Variants in HSPA9 observed in about 807,000 individuals in gnomAD.
The protein encoded by HSPA9 is heat shock protein family A (Hsp70) member 9.
Under a neutral mutation model 81.5 loss-of-function variants are expected in HSPA9, and 28 were observed. The ratio of observed to expected loss-of-function variants is 0.34; its 90% CI spans 0.25 to 0.47. The LOEUF (loss-of-function observed/expected upper bound fraction) is 0.47. HSPA9 is among the 20% of genes least tolerant of loss of function. HSPA9 has a pLI of 1.00. For synonymous variants in HSPA9, 293 were observed against 290.4 expected, an observed-to-expected ratio of 1.01 and a Z score of -0.09; for missense variants, 678 against 838.0, an observed-to-expected ratio of 0.81 and a Z score of 2.36.
rs1351540293 is a variant in HSPA9 at position 138,559,952 on chromosome 5, G to C, written c.1322C>G (p.Thr441Ser). 3 of 1,614,114 alleles carry C rather than the reference G, an allele frequency of 1.9e-6. No homozygotes were observed. The highest frequency in any genetic ancestry group is 2.5e-6 in the Non-Finnish European group (3 of 1,179,992). The change falls in exon 11 of 17, where the codon ACT (threonine) becomes AGT (serine). Residue 441 changes from threonine (T) to serine (S), a missense_variant. Physicochemically the swap from Thr to Ser is moderately conservative, Grantham distance 58. Around this residue, in one of 4 missense-constraint regions of HSPA9, gnomAD observed 484 missense variants for 647.5 expected, o/e 0.75. Transcript: ENST00000297185. ...DVTDVLLLDV[T>S]PLSLGIETLG... ...AGTTTCAATACCCAGAGACAGGGGA[G>C]TGACATCAAGGAGCAGCACATCCGT...
At chr5:138,567,216 T>TATC in intron 7 of HSPA9, 53 bp from the exon 8 acceptor site, 1 of 1,440,234 alleles carries the variant, frequency 6.9e-7, no homozygotes, top group Non-Finnish European at 9.6e-7. Flanking sequence ...GAACAAAACC[T>TATC]ATCACCAGGA....
intron 4 of HSPA9, 68 bp downstream of exon 4, chr5:138,570,892 T>C (rs1481851010): frequency 7.4e-7 from 1 of 1,345,672 alleles, no homozygotes; most frequent in African/African-American, 1.4e-5. Context: ...CTCATCAACA[T>C]GCTGAGGCTC....
intron 13 of HSPA9, 34 bp downstream of exon 13, chr5:138,557,835 T>C (rs777400747): frequency 7.6e-7 from 1 of 1,323,402 alleles, no homozygotes; most frequent in Non-Finnish European, 1.1e-6. Flanking sequence ...CTCCCTCACC[T>C]CACTCTTAGG....
chr5:138,555,724 C>T lies in HSPA9; in HGVS notation c.*313G>A. ...TTGCTGTGTGCGAGATGGTTTCACC[C>T]CTTGAAAATATGGTCACTTCAGCAT... On this transcript the variant is annotated 3_prime_UTR_variant, in exon 17 of 17. Transcript: ENST00000297185. The T allele has an allele frequency of 2.6e-6, 1 of 390,994 alleles. No homozygotes were observed. Among genetic ancestry groups the T allele is most frequent in the Non-Finnish European group, 4.8e-6 (1 of 208,342 alleles). 24.2% of individuals were successfully genotyped at this position (390,994 alleles called of 1,614,324 possible).
At chr5:138,557,628 A>G (rs921738447) in intron 13 of HSPA9, 132 bp from the exon 14 acceptor site, 15 of 754,592 alleles carry the variant, frequency 2.0e-5, no homozygotes, top group Non-Finnish European at 3.5e-5. Flanking sequence ...GAAATACCCT[A>G]TAGTCCTATA....
Position 138,573,641 on chromosome 5 carries a change from CAAAAAAAAAAAAAAAA to C in HSPA9, c.228+106_228+121del, listed in dbSNP as rs57776368. 5.0e-3 allele frequency: 1,531 copies of C among 304,430 alleles called. 17 individuals carry two copies. The highest frequency in any genetic ancestry group is 7.1e-3 in the Non-Finnish European group (1,197 of 168,626). 18.9% of individuals were successfully genotyped at this position (304,430 alleles called of 1,614,324 possible). On this transcript the variant is annotated intron_variant, in intron 3 of 16. Transcript: ENST00000297185. ...CACCATGGGCTATAGAGACTGTCTCCAAAAAAAAAAAAAAAAAAAAAAAAAAAGCGCAAATCAGGTT... is the reference window on the plus strand; with the variant it reads ...CACCATGGGCTATAGAGACTGTCTCCAAAAAAAAAAAGCGCAAATCAGGTT...
At chr5:138,557,624 C>A in intron 13 of HSPA9, 128 bp from the exon 14 acceptor site, 2 of 756,588 alleles carry the variant, frequency 2.6e-6, no homozygotes, top group Admixed American at 2.0e-5. Flanking sequence ...AGGAGAAATA[C>A]CCTATAGTCC....
intron 2 of HSPA9, 81 bp downstream of exon 2, chr5:138,573,987 G>C: frequency 2.0e-6 from 1 of 501,322 alleles, no homozygotes; most frequent in Non-Finnish European, 2.7e-6. Flanking sequence ...TAATTACAGA[G>C]AAGAATAATC....
intron 9 of HSPA9, among the ~76,000 whole-genome samples, chr5:138,562,642 A>T (rs945781610): frequency 6.6e-6 from 1 of 152,238 alleles, no homozygotes; most frequent in African/African-American, 2.4e-5. Context: ...AGAATGCAGC[A>T]GATAAGCAGG....
chr5:138,556,297 T>A (rs1394062581), intron 16 of HSPA9, among the ~76,000 whole-genome samples, 155 bp downstream of exon 16: 1 of 152,178 alleles, frequency 6.6e-6, no homozygotes, highest in African/African-American at 2.4e-5. Flanking sequence ...CTAACTCCAA[T>A]GCCAAAGTAG....
rs1372631326 is a variant in HSPA9, at chr5:138,555,699, T to C, written c.*338A>G. On this transcript the variant is annotated 3_prime_UTR_variant, in exon 17 of 17. Transcript: ENST00000297185. ...TCAAGTCTATGGATGACTACCTTCA[T>C]TGCTGTGTGCGAGATGGTTTCACCC... The C allele has an allele frequency of 8.3e-6, 3 of 359,636 alleles. No individual in the cohort carries two copies. Among genetic ancestry groups the C allele is most frequent in the East Asian group, 1.4e-4 (2 of 13,828 alleles). 22.3% of individuals were successfully genotyped at this position (359,636 alleles called of 1,614,324 possible).
rs1198124521 is a variant in HSPA9, at chr5:138,554,875, G to C, written c.*1162C>G. The C allele has an allele frequency of 6.6e-6, 1 of 152,200 alleles. No individual in the cohort carries two copies. The highest frequency in any genetic ancestry group is 1.5e-5 in the Non-Finnish European group (1 of 68,032). The allele number at this position is 152,200 out of a possible 1,614,324, so 9.4% of individuals were successfully genotyped here. On this transcript the variant is annotated 3_prime_UTR_variant, in exon 17 of 17. Transcript: ENST00000297185. ...AAGCCAGTACACTGAGGACAGAAAA[G>C]CAGAAATAGGGAAAGAAATCTGGGT... is the stretch of plus-strand genomic sequence containing the variant.
intron 10 of HSPA9, among the ~76,000 whole-genome samples, chr5:138,560,577 T>C (rs893116690): frequency 5.9e-5 from 9 of 151,796 alleles, no homozygotes; most frequent in Admixed American, 1.3e-4. Context: ...TTTTTTTTTT[T>C]TGAGACGGAG....
intron 9 of HSPA9, among the ~76,000 whole-genome samples, chr5:138,562,028 T>C (rs1750671854): frequency 6.6e-6 from 1 of 151,348 alleles, no homozygotes; most frequent in Non-Finnish European, 1.5e-5. Context: ...AACCTCCGCC[T>C]CCCAGGTTCA....
chr5:138,565,840 C>T (rs1260800033), intron 9 of HSPA9, among the ~76,000 whole-genome samples: 1 of 152,158 alleles, frequency 6.6e-6, no homozygotes, highest in Non-Finnish European at 1.5e-5. Flanking sequence ...TCTGGAGTGG[C>T]TGGGACCACA....
At chr5:138,560,205 A>C in intron 10 of HSPA9, 114 bp from the exon 11 acceptor site, 1 of 752,256 alleles carries the variant, frequency 1.3e-6, no homozygotes. Context: ...GCTAACTCAA[A>C]TCTGAGAATG....
intron 15 of HSPA9, 85 bp from the exon 16 acceptor site, chr5:138,556,677 A>G: frequency 6.4e-7 from 1 of 1,562,300 alleles, no homozygotes. Context: ...ACATTTTAAA[A>G]TAATTAAACC....
chr5:138,571,647 ATTT>A (rs565771367), intron 3 of HSPA9, among the ~76,000 whole-genome samples: 3 of 141,460 alleles, frequency 2.1e-5, no homozygotes, highest in African/African-American at 7.7e-5. Flanking sequence ...TCAAACTACT[ATTT>A]TTTTTTTTTT....
chr5:138,558,763 A>C, intron 11 of HSPA9, 106 bp from the exon 12 acceptor site: 2 of 758,146 alleles, frequency 2.6e-6, no homozygotes, highest in Middle Eastern at 2.3e-4. Flanking sequence ...GAAGACTCCT[A>C]ATTTACGGTA....
Sources: allele counts gnomAD v4.1 joint callset (sites outside exome capture counted in the v4.1 genomes callset), GRCh38; gene constraint gnomAD v4.1.1; regional missense constraint gnomAD v4.1.1; transcripts MANE v1.5; gene names NCBI Gene and HGNC (gene_info 2026-07-23, HGNC 2026-07-21).